Variants in PTPN13 observed in about 807,000 individuals in gnomAD.
The protein encoded by PTPN13 is protein tyrosine phosphatase non-receptor type 13.
Under a neutral mutation model 284.0 loss-of-function variants are expected in PTPN13, and 191 were observed. The observed-to-expected ratio is 0.67, with a 90% CI of 0.60 to 0.76. PTPN13 has a LOEUF of 0.76. Among genes scored for constraint, PTPN13 ranks in the 30% least tolerant of loss-of-function variants. The pLI is 0.00. For synonymous variants in PTPN13, 986 were observed against 1,022.3 expected, an observed-to-expected ratio of 0.96 and a Z score of 0.68; for missense variants, 2,797 against 2,939.9, an observed-to-expected ratio of 0.95 and a Z score of 1.12.
chr4:86,782,414 C>A (rs76782824), intron 37 of PTPN13, among the ~76,000 whole-genome samples, 152 bp downstream of exon 37: 2 of 152,120 alleles, frequency 1.3e-5, no homozygotes, highest in Admixed American at 6.6e-5. Flanking sequence ...AACTAATAGG[C>A]CTTGCTAAGT....
intron 17 of PTPN13, among the ~76,000 whole-genome samples, chr4:86,747,690 A>G (rs901173016): frequency 1.3e-5 from 2 of 152,200 alleles, no homozygotes; most frequent in Non-Finnish European, 2.9e-5. Context: ...ATATATAGAT[A>G]TAACAGGTTT....
chr4:86,728,763 A>T (rs1426757362), intron 10 of PTPN13, among the ~76,000 whole-genome samples: 7 of 143,586 alleles, frequency 4.9e-5, no homozygotes, highest in African/African-American at 1.8e-4. Flanking sequence ...TCTCCTGAAT[A>T]CAGCACACTG....
intron 41 of PTPN13, 52 bp downstream of exon 41, chr4:86,796,981 G>T: frequency 2.6e-5 from 28 of 1,072,078 alleles, no homozygotes; most frequent in Non-Finnish European, 3.7e-5. Flanking sequence ...ATCTATAAAT[G>T]CTCTGAAGAT....
At chr4:86,748,857 G>A (rs1365709642) in intron 17 of PTPN13, among the ~76,000 whole-genome samples, 10 of 152,104 alleles carry the variant, frequency 6.6e-5, no homozygotes, top group African/African-American at 9.6e-5. Flanking sequence ...GGGTTTCACC[G>A]TGTTAGCCAG....
chr4:86,598,023 T>C (rs1289085328), intron 1 of PTPN13, among the ~76,000 whole-genome samples: 1 of 152,162 alleles, frequency 6.6e-6, no homozygotes, highest in Non-Finnish European at 1.5e-5. Context: ...TCAAAGAAAA[T>C]CCTTCTGCAT....
chr4:86,693,687 T>A lies in PTPN13; in HGVS notation c.634+13T>A. On this transcript the variant is annotated intron_variant, in intron 6 of 47. Transcript: ENST00000411767. ...GGATTACCAACAGGTAAGAGTATAT[T>A]AATAGGAAATGTCTAGGCTTTAACC... is the stretch of plus-strand genomic sequence containing the variant. The A allele has an allele frequency of 6.6e-7, 1 of 1,515,610 alleles. No individual in the cohort carries two copies. Among genetic ancestry groups the A allele is most frequent in the Non-Finnish European group, 8.9e-7 (1 of 1,118,392 alleles). The allele number at this position is 1,515,610 out of a possible 1,614,324, so 93.9% of individuals were successfully genotyped here. A position where few individuals can be genotyped will look rare whatever the true frequency, so the allele number is the denominator to read the frequency against.
intron 1 of PTPN13, among the ~76,000 whole-genome samples, chr4:86,599,201 T>G (rs1263180271): frequency 6.6e-6 from 1 of 152,206 alleles, no homozygotes; most frequent in African/African-American, 2.4e-5. Flanking sequence ...TGTTCTAGAC[T>G]CTACTAGAAT....
intron 7 of PTPN13, among the ~76,000 whole-genome samples, chr4:86,706,612 A>T (rs1731797564): frequency 6.6e-6 from 1 of 152,184 alleles, no homozygotes. Context: ...ATAGGCCATA[A>T]ATTATCAAAA....
At chr4:86,705,115 C>A (rs766663601) in intron 7 of PTPN13, among the ~76,000 whole-genome samples, 2 of 152,058 alleles carry the variant, frequency 1.3e-5, no homozygotes, top group African/African-American at 4.8e-5. Flanking sequence ...GCGGGCAGAT[C>A]ACGAGGTCAG....
chr4:86,690,284 T>TA (rs1414440503), intron 5 of PTPN13: 1 of 152,178 alleles, frequency 6.6e-6, no homozygotes, highest in African/African-American at 2.4e-5. Flanking sequence ...GTAAAGCTAT[T>TA]AAAAAATCTT....
At chr4:86,716,910 G>T in intron 8 of PTPN13, 114 bp from the exon 9 acceptor site, 1 of 709,952 alleles carries the variant, frequency 1.4e-6, no homozygotes, top group South Asian at 1.9e-5. Flanking sequence ...CATTAATTTT[G>T]TTCTGTGGAT....
Position 86,701,265 on chromosome 4 carries a change from T to C in PTPN13, c.659T>C (p.Leu220Pro), listed in dbSNP as rs750352294. The C allele has an allele frequency of 6.3e-7, 1 of 1,592,348 alleles. No individual in the cohort carries two copies. The highest frequency in any genetic ancestry group is 8.5e-7 in the Non-Finnish European group (1 of 1,171,096). ...GGAAGAAGCTCTACTTCTGATGTAC[T>C]AGACATACAAAAGCCTCCACTCTCT... ...PTGRSSTSDV[L>P]DIQKPPLSHQ... The change falls in exon 7 of 48, where the codon CTA becomes CCA. Residue 220 changes from leucine (L) to proline (P), a missense_variant. Physicochemically the swap from Leu to Pro is moderately conservative, Grantham distance 98. Coordinates refer to ENST00000411767, the MANE Select transcript of PTPN13 (RefSeq NM_080683.3).
At chr4:86,646,810 A>G (rs567206578) in intron 2 of PTPN13, among the ~76,000 whole-genome samples, 1 of 152,350 alleles carries the variant, frequency 6.6e-6, no homozygotes. Context: ...TGGAAAAAAT[A>G]CAAATGTCTG....
chr4:86,708,940 C>T (rs1026231610), intron 7 of PTPN13, among the ~76,000 whole-genome samples: 2 of 151,776 alleles, frequency 1.3e-5, no homozygotes, highest in African/African-American at 4.8e-5. Context: ...CTGTCTCCCT[C>T]CCTCCCTTTT....
At position 86,595,845 on chromosome 4, in the gene PTPN13, T is replaced by TG. The variant is rs370168035; in HGVS notation, c.-6+1065dup. 2.8e-3 allele frequency: 1,910 copies of TG among 688,366 alleles called. 5 individuals are homozygous for TG. The highest frequency in any genetic ancestry group is 0.011 in the African/African-American group (535 of 50,452). The allele number at this position is 688,366 out of a possible 1,614,324, so 42.6% of individuals were successfully genotyped here. A position where few individuals can be genotyped will look rare whatever the true frequency, so the allele number is the denominator to read the frequency against. ...TATATCTAGAAAGTTTACTAAAGGA[T>TG]GGGGGGGGGAGTAAAAGTGCATGTA... is the stretch of plus-strand genomic sequence containing the variant. On this transcript the variant is annotated intron_variant, in intron 1 of 47. Transcript: ENST00000411767.
At chr4:86,711,249 A>G (rs755126401) in intron 7 of PTPN13, among the ~76,000 whole-genome samples, 2 of 151,880 alleles carry the variant, frequency 1.3e-5, no homozygotes, top group African/African-American at 2.4e-5. Flanking sequence ...CCTGGGCTCG[A>G]TCAATCCACC....
intron 7 of PTPN13, among the ~76,000 whole-genome samples, chr4:86,713,649 T>G (rs1732682407): frequency 6.6e-6 from 1 of 152,108 alleles, no homozygotes; most frequent in Non-Finnish European, 1.5e-5. Context: ...GTATGCAATA[T>G]TATTCCTAGT....
intron 36 of PTPN13, among the ~76,000 whole-genome samples, chr4:86,781,549 T>G (rs1741301346): frequency 6.6e-6 from 1 of 152,238 alleles, no homozygotes; most frequent in South Asian, 2.1e-4. Flanking sequence ...GCTTACTACC[T>G]TCTTTTAAAT....
intron 7 of PTPN13, among the ~76,000 whole-genome samples, chr4:86,705,827 T>C (rs1019166296): frequency 2.7e-5 from 4 of 150,692 alleles, no homozygotes; most frequent in African/African-American, 9.7e-5. Context: ...TACATGTGAC[T>C]TAAAAAAAAA....
Sources: gnomAD v4.1 joint callset for allele counts (sites outside exome capture counted in the v4.1 genomes callset) on GRCh38, gnomAD v4.1.1 for gene constraint, MANE v1.5 for transcripts, NCBI Gene and HGNC (gene_info 2026-07-23, HGNC 2026-07-21) for gene names.